The following ST6GALNAC5 variants were observed in gnomAD, a reference collection of about 807,000 sequenced individuals.
ST6GALNAC5 encodes ST6 N-acetylgalactosaminide alpha-2,6-sialyltransferase 5.
ST6GALNAC5 carries 27 observed loss-of-function variants against 33.6 expected under a neutral mutation model. The observed-to-expected ratio is 0.80, with a 90% CI of 0.59 to 1.11. The LOEUF is 1.11. Ranked by LOEUF, ST6GALNAC5 falls within the 50% of genes least tolerant of loss-of-function variation. ST6GALNAC5 has a pLI of 0.00. For synonymous variants in ST6GALNAC5, 194 were observed against 171.2 expected (o/e 1.13, Z -1.04); for missense variants, 428 against 454.0 (o/e 0.94, Z 0.52).
chr1:76,988,273 T>C (rs1384574443), intron 2 of ST6GALNAC5, among the ~76,000 whole-genome samples: 1 of 152,072 alleles, frequency 6.6e-6, no homozygotes, highest in Non-Finnish European at 1.5e-5. Context: ...TTTCCTTTCA[T>C]ATCCTGTATC....
chr1:76,925,969 T>C (rs1008548153), intron 2 of ST6GALNAC5, among the ~76,000 whole-genome samples: 1 of 152,158 alleles, frequency 6.6e-6, no homozygotes, highest in Non-Finnish European at 1.5e-5. Context: ...GCAGATTTGA[T>C]GGGCTCTCTG....
intron 2 of ST6GALNAC5, among the ~76,000 whole-genome samples, chr1:77,026,813 GAA>G: frequency 1.3e-5 from 2 of 152,110 alleles, no homozygotes; most frequent in African/African-American, 4.8e-5. Flanking sequence ...ATGAATGAAT[GAA>G]TGAATGAATG....
At chr1:76,983,076 A>C (rs527653583) in intron 2 of ST6GALNAC5, among the ~76,000 whole-genome samples, 41 of 151,208 alleles carry the variant, frequency 2.7e-4, no homozygotes, top group African/African-American at 8.9e-4. Flanking sequence ...TGTAAAGACC[A>C]TCGATGCTAG....
intron 3 of ST6GALNAC5, among the ~76,000 whole-genome samples, chr1:77,048,068 C>T (rs1316534813): frequency 2.0e-5 from 3 of 152,194 alleles, no homozygotes; most frequent in Admixed American, 2.0e-4. Context: ...TTAAGTGTTA[C>T]TTTAAAGAAC....
At position 76,969,910 on chromosome 1, in the gene ST6GALNAC5, G is replaced by T. The variant is rs144519898; in HGVS notation, c.262-74294G>T. Among the ~76,000 whole-genome samples, 7 of 152,132 alleles carry T rather than the reference G, an allele frequency of 4.6e-5. No homozygotes were observed. The East Asian group carries it at 9.7e-4, about 21-fold the overall frequency. On this transcript the variant is annotated intron_variant, in intron 2 of 4. Coordinates refer to ENST00000477717, the MANE Select transcript of ST6GALNAC5 (RefSeq NM_030965.3). ...CTGCTGGTAATACCTAGGCAAACAG[G>T]GTCTGGAGTGGACCACCAGCAAACT...
intron 3 of ST6GALNAC5, among the ~76,000 whole-genome samples, chr1:77,047,051 G>A (rs577875052): frequency 6.6e-6 from 1 of 152,310 alleles, no homozygotes; most frequent in South Asian, 2.1e-4. Flanking sequence ...CGTCCTGGCT[G>A]GTACGGAGGG....
At chr1:77,006,505 T>G (rs535476179) in intron 2 of ST6GALNAC5, among the ~76,000 whole-genome samples, 3 of 151,836 alleles carry the variant, frequency 2.0e-5, no homozygotes, top group Non-Finnish European at 4.4e-5. Context: ...TATTTTTTAG[T>G]AGAGACAGGG....
chr1:76,920,486 C>G (rs957395462), intron 2 of ST6GALNAC5, among the ~76,000 whole-genome samples: 1 of 152,162 alleles, frequency 6.6e-6, no homozygotes, highest in Non-Finnish European at 1.5e-5. Context: ...ATGTCTGACA[C>G]TAAATAATCA....
intron 2 of ST6GALNAC5, among the ~76,000 whole-genome samples, chr1:76,980,512 AT>A (rs1269431224): frequency 1.3e-5 from 2 of 152,226 alleles, no homozygotes; most frequent in African/African-American, 4.8e-5. Flanking sequence ...TATCTATGTC[AT>A]TTAGCACTAT....
At chr1:77,011,814 G>T (rs560098069) in intron 2 of ST6GALNAC5, among the ~76,000 whole-genome samples, 3 of 151,750 alleles carry the variant, frequency 2.0e-5, no homozygotes, top group South Asian at 4.2e-4. Context: ...TTTTTATTTT[G>T]TAATATAGTG....
intron 2 of ST6GALNAC5, among the ~76,000 whole-genome samples, chr1:76,998,871 A>G (rs574224105): frequency 4.9e-4 from 75 of 152,314 alleles, no homozygotes; most frequent in African/African-American, 1.7e-3. Flanking sequence ...TGAAAGTTCC[A>G]TCTTCCGTAA....
chr1:76,954,405 G>C (rs1557735648), intron 2 of ST6GALNAC5, among the ~76,000 whole-genome samples: 1 of 152,086 alleles, frequency 6.6e-6, no homozygotes, highest in Admixed American at 6.6e-5. Context: ...GAGAGTATCA[G>C]GAAGAATAGC....
chr1:76,879,559 TTAGTC>T (rs1653730120), intron 2 of ST6GALNAC5, among the ~76,000 whole-genome samples: 2 of 152,308 alleles, frequency 1.3e-5, no homozygotes, highest in South Asian at 2.1e-4. Flanking sequence ...CACTGGGACT[TTAGTC>T]TAGTTACAGG....
chr1:76,939,278 G>A (rs758560097), intron 2 of ST6GALNAC5, among the ~76,000 whole-genome samples: 5 of 152,090 alleles, frequency 3.3e-5, no homozygotes, highest in African/African-American at 4.8e-5. Flanking sequence ...ATAGGAAAGC[G>A]AAACAACATT....
At chr1:76,999,488 T>TG (rs1470462812) in intron 2 of ST6GALNAC5, among the ~76,000 whole-genome samples, 2 of 151,920 alleles carry the variant, frequency 1.3e-5, no homozygotes, top group African/African-American at 2.4e-5. Flanking sequence ...TGGGTTTGTT[T>TG]TTTTTTTTTC....
chr1:76,882,329 A>T (rs528586013), intron 2 of ST6GALNAC5, among the ~76,000 whole-genome samples: 3 of 152,304 alleles, frequency 2.0e-5, no homozygotes, highest in South Asian at 4.1e-4. Flanking sequence ...CAGAGCACTC[A>T]TTTAGCTGAA....
intron 2 of ST6GALNAC5, among the ~76,000 whole-genome samples, chr1:76,948,536 G>A (rs1349590710): frequency 6.7e-6 from 1 of 149,526 alleles, no homozygotes; most frequent in Non-Finnish European, 1.5e-5. Context: ...AATTCATTCT[G>A]CACATCATTT....
chr1:76,996,983 G>C (rs1649963127), intron 2 of ST6GALNAC5, among the ~76,000 whole-genome samples: 1 of 152,136 alleles, frequency 6.6e-6, no homozygotes, highest in East Asian at 1.9e-4. Context: ...GTTCTCAGAA[G>C]GGTCAGTTTC....
At chr1:76,959,630 T>A (rs1374137941) in intron 2 of ST6GALNAC5, among the ~76,000 whole-genome samples, 2 of 152,210 alleles carry the variant, frequency 1.3e-5, no homozygotes, top group South Asian at 4.1e-4. Flanking sequence ...GAAAGTTGAG[T>A]GTTGGTCTCT....
Sources: allele counts gnomAD v4.1 joint callset (sites outside exome capture counted in the v4.1 genomes callset), GRCh38; gene constraint gnomAD v4.1.1; transcripts MANE v1.5; gene names NCBI Gene and HGNC (gene_info 2026-07-23, HGNC 2026-07-21).